Variants in RPL26L1 observed in about 807,000 individuals in gnomAD.
RPL26L1 encodes ribosomal protein L26 like 1.
RPL26L1 carries 8 observed loss-of-function variants against 15.2 expected under a neutral mutation model. That is an observed-to-expected ratio of 0.53 (90% confidence interval 0.31 to 0.95). RPL26L1 has a LOEUF of 0.95. Ranked by LOEUF, RPL26L1 falls within the 40% of genes least tolerant of loss-of-function variation. RPL26L1 has a pLI of 0.05. For synonymous variants in RPL26L1, 51 were observed against 65.9 expected, an observed-to-expected ratio of 0.77 and a Z score of 1.09; for missense variants, 146 against 190.9, an observed-to-expected ratio of 0.76 and a Z score of 1.39.
chr5:172,968,549 C>A lies in RPL26L1; in HGVS notation c.259C>A (p.Arg87Ser). The change falls in exon 3 of 4, where the codon CGT becomes AGT. Residue 87 changes from arginine to serine, a missense_variant. Transcript: ENST00000265100. ...TGTCATCTACATCGAGCGGGTGCAG[C>A]GTGAGAAGGCCAACGGCACAACTGT... ...KYVIYIERVQ[R>S]EKANGTTVHV... The A allele has an allele frequency of 6.2e-7, 1 of 1,614,054 alleles. No homozygotes were observed. Among genetic ancestry groups the A allele is most frequent in the Non-Finnish European group, 8.5e-7 (1 of 1,179,998 alleles).
At position 172,964,281 on chromosome 5, in the gene RPL26L1, C is replaced by CCTTTTTTTTTTTTTTTTTTTT. The variant is rs1402885653; in HGVS notation, c.169-4178_169-4177insCTTTTTTTTTTTTTTTTTTTT. Among the ~76,000 whole-genome samples, 217 of 99,232 alleles carry CCTTTTTTTTTTTTTTTTTTTT rather than the reference C, an allele frequency of 2.2e-3. 57 individuals are homozygous for CCTTTTTTTTTTTTTTTTTTTT. The highest frequency in any genetic ancestry group is 2.6e-3 in the Non-Finnish European group (127 of 49,274). The allele number at this position is 99,232 out of a possible 152,430, so 65.1% of individuals were successfully genotyped here. On this transcript the variant is annotated intron_variant, in intron 2 of 3. Coordinates refer to ENST00000265100, the MANE Select transcript of RPL26L1 (RefSeq NM_016093.4). ...TGAGCCACAGTGTCTGGCCTGTTGC[C>CCTTTTTTTTTTTTTTTTTTTT]TTTTTTTTTTTTTTTTTTTTTGAGA... is the stretch of plus-strand genomic sequence containing the variant.
intron 2 of RPL26L1, among the ~76,000 whole-genome samples, chr5:172,961,379 C>T (rs981166917): frequency 6.6e-6 from 1 of 152,200 alleles, no homozygotes; most frequent in Non-Finnish European, 1.5e-5. Flanking sequence ...TCAAGCCTCA[C>T]ATATAAGATA....
At chr5:172,963,306 A>G (rs893591578) in intron 2 of RPL26L1, among the ~76,000 whole-genome samples, 5 of 151,398 alleles carry the variant, frequency 3.3e-5, no homozygotes, top group African/African-American at 1.2e-4. Flanking sequence ...CCTAGGAGGT[A>G]GAGGTTGCAG....
rs563484828 is a variant in RPL26L1 at position 172,963,103 on chromosome 5, C to T, written c.168+3062C>T. ...TATAAAATCTAAAATCATGGCCAGG[C>T]GCGGTGGCTCACGCCTGTAATCCCG... is the stretch of plus-strand genomic sequence containing the variant. On this transcript the variant is annotated intron_variant, in intron 2 of 3. Coordinates refer to ENST00000265100, the MANE Select transcript of RPL26L1 (RefSeq NM_016093.4). Among the ~76,000 whole-genome samples, 4 of 152,062 alleles carry T rather than the reference C, an allele frequency of 2.6e-5. No individual in the cohort carries two copies. The East Asian group carries it at 5.8e-4, about 22-fold the overall frequency.
chr5:172,965,339 C>G (rs888063248), intron 2 of RPL26L1, among the ~76,000 whole-genome samples: 2 of 152,184 alleles, frequency 1.3e-5, no homozygotes, highest in Admixed American at 1.3e-4. Flanking sequence ...TTCCTTCCAT[C>G]AGCATTTAAA....
chr5:172,967,576 A>G (rs1196171000), intron 2 of RPL26L1, among the ~76,000 whole-genome samples: 3 of 152,028 alleles, frequency 2.0e-5, no homozygotes, highest in African/African-American at 7.2e-5. Context: ...GAGATTTAAA[A>G]TTTTTTTTCT....
chr5:172,959,660 T>G, intron 1 of RPL26L1, 192 bp downstream of exon 1: 1 of 1,163,814 alleles, frequency 8.6e-7, no homozygotes. Flanking sequence ...CACGACCCCT[T>G]TAGACGGGCA....
chr5:172,960,359 C>T (rs1225965899), intron 2 of RPL26L1, among the ~76,000 whole-genome samples: 1 of 152,096 alleles, frequency 6.6e-6, no homozygotes, highest in Non-Finnish European at 1.5e-5. Context: ...TCAAGTGATC[C>T]TCCCACCTCA....
intron 2 of RPL26L1, among the ~76,000 whole-genome samples, chr5:172,967,518 A>G (rs1755501827): frequency 1.3e-5 from 2 of 152,164 alleles, no homozygotes; most frequent in African/African-American, 4.8e-5. Flanking sequence ...ACCCTAATCT[A>G]GTTGGTTTTT....
intron 1 of RPL26L1, 140 bp from the exon 2 acceptor site, chr5:172,959,725 C>T: frequency 8.8e-7 from 1 of 1,141,336 alleles, no homozygotes. Flanking sequence ...TCGCATCTCT[C>T]TGTCCTCCCT....
At chr5:172,968,803 CTTTTTTTTTTTT>C (rs539398008) in intron 3 of RPL26L1, among the ~76,000 whole-genome samples, 4 of 74,348 alleles carry the variant, frequency 5.4e-5, no homozygotes, top group African/African-American at 2.2e-4. Flanking sequence ...ATGGCTGTGT[CTTTTTTTTTTTT>C]TTTTTTTTTT....
chr5:172,968,998 G>A (rs914223943), intron 3 of RPL26L1, among the ~76,000 whole-genome samples: 1 of 151,516 alleles, frequency 6.6e-6, no homozygotes, highest in African/African-American at 2.4e-5. Flanking sequence ...AATAGAGATG[G>A]GGTTTCACCA....
chr5:172,954,997 G>A (rs919166251), upstream of RPL26L1: 7 of 456,084 alleles, frequency 1.5e-5, no homozygotes, highest in East Asian at 1.4e-4. Context: ...CTCTGGAGAC[G>A]TGCTTCGTGA....
upstream of RPL26L1, chr5:172,958,439 C>T (rs768255858): frequency 6.6e-6 from 3 of 456,062 alleles, no homozygotes; most frequent in East Asian, 1.4e-4. Context: ...GCATTTGGCA[C>T]TAAGTTGTCG....
chr5:172,966,599 TAAA>T (rs963873379), intron 2 of RPL26L1, among the ~76,000 whole-genome samples: 1 of 149,818 alleles, frequency 6.7e-6, no homozygotes, highest in Admixed American at 6.7e-5. Flanking sequence ...CCCTGTCTCT[TAAA>T]AAAAGTGTGT....
At chr5:172,967,144 G>A (rs929207777) in intron 2 of RPL26L1, among the ~76,000 whole-genome samples, 13 of 149,218 alleles carry the variant, frequency 8.7e-5, no homozygotes, top group Admixed American at 8.0e-4. Flanking sequence ...GTGAACCACC[G>A]TGCCCGGCCC....
rs56687905 is a variant in RPL26L1 at position 172,963,373 on chromosome 5, C to CA, written c.168+3349dup. Among the ~76,000 whole-genome samples, 367 of 140,244 alleles carry CA rather than the reference C, an allele frequency of 2.6e-3. 2 individuals are homozygous for CA. Among genetic ancestry groups the CA allele is most frequent in the African/African-American group, 8.5e-3 (311 of 36,448 alleles). The allele number at this position is 140,244 out of a possible 152,430, so 92.0% of individuals were successfully genotyped here. ...TGGGCAACAGAGTAAAACTCGGTCT[C>CA]AAAAAAAAAAAAAAAAATCTAAAAT... On this transcript the variant is annotated intron_variant, in intron 2 of 3. Coordinates refer to ENST00000265100, the MANE Select transcript of RPL26L1 (RefSeq NM_016093.4).
chr5:172,962,815 CAAAA>C (rs56210758), intron 2 of RPL26L1, among the ~76,000 whole-genome samples: 3 of 61,950 alleles, frequency 4.8e-5, no homozygotes, highest in Admixed American at 1.8e-4. Context: ...GGCTCTGTCT[CAAAA>C]AAAAAAAAAA....
At chr5:172,955,870 A>G (rs758665371), upstream of RPL26L1, 13 of 152,224 alleles carry the variant, frequency 8.5e-5, no homozygotes, top group Admixed American at 2.6e-4. Flanking sequence ...GTAAAGATGG[A>G]ATTCATACCC....
Sources: gnomAD v4.1 joint callset for allele counts (sites outside exome capture counted in the v4.1 genomes callset) on GRCh38, gnomAD v4.1.1 for gene constraint, MANE v1.5 for transcripts, NCBI Gene and HGNC (gene_info 2026-07-23, HGNC 2026-07-21) for gene names.